Variants in DYNC1LI1 observed in about 807,000 individuals in gnomAD.
DYNC1LI1 encodes cytoplasmic dynein 1 light intermediate chain 1.
A neutral mutation model predicts 63.8 loss-of-function variants in DYNC1LI1; 19 were observed. The observed-to-expected ratio is 0.30, with a 90% CI of 0.21 to 0.44. The LOEUF is 0.44. DYNC1LI1 is among the 20% of genes least tolerant of loss of function. The pLI, the probability that DYNC1LI1 is intolerant of heterozygous loss-of-function variation, is 1.00. For synonymous variants in DYNC1LI1, 225 were observed against 232.3 expected (o/e 0.97, Z 0.28); for missense variants, 565 against 630.2 (o/e 0.90, Z 1.11).
intron 5 of DYNC1LI1, among the ~76,000 whole-genome samples, chr3:32,538,325 G>A (rs186801599): frequency 8.1e-4 from 122 of 150,768 alleles, no homozygotes; most frequent in African/African-American, 2.8e-3. Flanking sequence ...AATACTGACA[G>A]TGATTTCAAA....
At chr3:32,558,447 G>A (rs9868569) in intron 2 of DYNC1LI1, among the ~76,000 whole-genome samples, 5,650 of 140,500 alleles carry the variant, frequency 0.04, 384 homozygotes, top group African/African-American at 0.14. Flanking sequence ...GAAAATCTCA[G>A]ATTCCACACA....
intron 2 of DYNC1LI1, among the ~76,000 whole-genome samples, chr3:32,551,620 G>C (rs74529422): frequency 6.6e-6 from 1 of 152,144 alleles, no homozygotes; most frequent in East Asian, 1.9e-4. Flanking sequence ...GCTATTAATG[G>C]AGTCCTAGCA....
At position 32,540,606 on chromosome 3, in the gene DYNC1LI1, G is replaced by A. The variant is rs145793614; in HGVS notation, c.738+431C>T. On this transcript the variant is annotated intron_variant, in intron 5 of 12. Transcript: ENST00000273130. ...TGAGGCAGGAGAATTGCTTTAACCC[G>A]GGAAGCGGAGGTTGCAGTGAGCCGA... Among the ~76,000 whole-genome samples, 217 of 151,382 alleles carry A rather than the reference G, an allele frequency of 1.4e-3. 2 individuals are homozygous for A. Among genetic ancestry groups the A allele is most frequent in the African/African-American group, 4.8e-3 (196 of 41,240 alleles).
intron 5 of DYNC1LI1, among the ~76,000 whole-genome samples, chr3:32,540,132 G>A (rs1240691440): frequency 6.6e-6 from 1 of 150,744 alleles, no homozygotes; most frequent in East Asian, 2.0e-4. Context: ...GCCTCCCAAA[G>A]TGCTGGGATT....
intron 4 of DYNC1LI1, among the ~76,000 whole-genome samples, chr3:32,541,884 C>T (rs1697887210): frequency 6.6e-6 from 1 of 152,170 alleles, no homozygotes. Context: ...ATAGGGATTT[C>T]CACGTAACTC....
chr3:32,545,180 G>A, intron 3 of DYNC1LI1, 74 bp from the exon 4 acceptor site: 2 of 985,510 alleles, frequency 2.0e-6, no homozygotes, highest in East Asian at 2.5e-5. Context: ...AGTACCACTT[G>A]GTATTTTAGT....
intron 6 of DYNC1LI1, among the ~76,000 whole-genome samples, chr3:32,535,376 A>G (rs753542462): frequency 4.7e-4 from 71 of 152,204 alleles, no homozygotes; most frequent in Non-Finnish European, 8.7e-4. Context: ...CAGAAATTCT[A>G]TGACCATCCA....
Position 32,529,635 on chromosome 3 carries a change from C to G in DYNC1LI1, c.1211G>C (p.Gly404Ala), listed in dbSNP as rs1237800576. ...AGATCTATTTGGTGTTCGTGGGGAGCCTCCTGGGACTCTTGGTGAGGCATC... is the reference window on the plus strand; with the variant it reads ...AGATCTATTTGGTGTTCGTGGGGAGGCTCCTGGGACTCTTGGTGAGGCATC... ...PVDASPRVPG[G>A]SPRTPNRSVS... is the part of the protein sequence containing the mutation. The change falls in exon 11 of 13, where the codon GGC (glycine) becomes GCC (alanine). Residue 404 changes from glycine (G) to alanine (A), a missense_variant. Physicochemically the swap from Gly to Ala is moderately conservative, Grantham distance 60 (BLOSUM62 0). Transcript: ENST00000273130. The G allele has an allele frequency of 1.2e-6, 2 of 1,606,122 alleles. No individual in the cohort carries two copies.
At chr3:32,542,503 G>A (rs749985758) in intron 4 of DYNC1LI1, among the ~76,000 whole-genome samples, 57 of 150,634 alleles carry the variant, frequency 3.8e-4, no homozygotes, top group African/African-American at 1.2e-3. Context: ...CGCCTCCTGC[G>A]TTCAAGTGAT....
chr3:32,556,117 G>C (rs1698111386), intron 2 of DYNC1LI1, among the ~76,000 whole-genome samples: 1 of 152,124 alleles, frequency 6.6e-6, no homozygotes, highest in Non-Finnish European at 1.5e-5. Flanking sequence ...GGAACTTCTA[G>C]TCAGAGGCCT....
chr3:32,535,645 C>T (rs966924503), intron 6 of DYNC1LI1, among the ~76,000 whole-genome samples: 1 of 152,118 alleles, frequency 6.6e-6, no homozygotes, highest in African/African-American at 2.4e-5. Flanking sequence ...CTCTTCCCCA[C>T]AATGAAAACC....
At chr3:32,556,996 T>C (rs1698123451) in intron 2 of DYNC1LI1, among the ~76,000 whole-genome samples, 1 of 152,194 alleles carries the variant, frequency 6.6e-6, no homozygotes, top group South Asian at 2.1e-4. Context: ...GATCAATTAA[T>C]AGTGTAAGCT....
chr3:32,563,875 TAAGTA>T (rs1431633376), intron 2 of DYNC1LI1, among the ~76,000 whole-genome samples: 1 of 152,264 alleles, frequency 6.6e-6, no homozygotes, highest in Non-Finnish European at 1.5e-5. Context: ...AATGATACTT[TAAGTA>T]AAGACTGTTC....
At chr3:32,569,615 A>G (rs576863739) in intron 2 of DYNC1LI1, among the ~76,000 whole-genome samples, 3 of 152,328 alleles carry the variant, frequency 2.0e-5, no homozygotes, top group African/African-American at 7.2e-5. Context: ...GCCTAGAAAA[A>G]TGCGAATCTG....
Position 32,529,632 on chromosome 3 carries a change from G to A in DYNC1LI1, c.1214C>T (p.Ser405Phe), listed in dbSNP as rs1472827356. ...TACAGATCTATTTGGTGTTCGTGGG[G>A]AGCCTCCTGGGACTCTTGGTGAGGC... ...VDASPRVPGG[S>F]PRTPNRSVSS... is the part of the protein sequence containing the mutation. Residue 405 changes from serine to phenylalanine, a missense_variant, in exon 11 of 13, where the codon TCC (serine) becomes TTC (phenylalanine). Ser to Phe is a radical substitution (Grantham distance 155). Transcript: ENST00000273130. The A allele has an allele frequency of 6.2e-7, 1 of 1,608,914 alleles. No individual in the cohort carries two copies. The highest frequency in any genetic ancestry group is 1.7e-5 in the Admixed American group (1 of 59,856).
In DYNC1LI1 at chr3:32,570,390, C is replaced by T; in HGVS notation, c.176G>A (p.Arg59His). 2 of 1,606,400 alleles carry T rather than the reference C, an allele frequency of 1.2e-6. No homozygotes were observed. Among genetic ancestry groups the T allele is most frequent in the Non-Finnish European group, 8.5e-7 (1 of 1,177,458 alleles). The change falls in exon 2 of 13, where the codon CGC (arginine) becomes CAC (histidine). Residue 59 changes from arginine to histidine, a missense_variant. By Grantham distance (29) the Arg-to-His change is conservative. Coordinates refer to ENST00000273130, the MANE Select transcript of DYNC1LI1 (RefSeq NM_016141.4). ...CCCCGCAGGGAGCTTGGAGCGCGAGCGGGTGGAGACCTCGCTGAGGATGCA... is the reference window on the plus strand; with the variant it reads ...CCCCGCAGGGAGCTTGGAGCGCGAGTGGGTGGAGACCTCGCTGAGGATGCA... ...WSCILSEVST[R>H]SRSKLPAGKN... is the part of the protein sequence containing the mutation.
chr3:32,558,472 G>A (rs1698146385), intron 2 of DYNC1LI1, among the ~76,000 whole-genome samples: 1 of 148,124 alleles, frequency 6.8e-6, no homozygotes, highest in Non-Finnish European at 1.5e-5. Flanking sequence ...CACCAAAACA[G>A]TACAGGGTGA....
chr3:32,528,596 C>T lies in DYNC1LI1; in HGVS notation c.1312G>A (p.Ala438Thr). ...KKIDPNMKAG[A>T]TSEGVLANFF... The stretch of plus-strand genomic sequence containing the variant: ...TTTGCCAGAACGCCTTCACTTGTAG[C>T]TCCAGCTATAAAAAAATAAAAAAAC... Residue 438 changes from alanine (A) to threonine (T), a missense_variant, in exon 12 of 13, where the codon GCT becomes ACT. Transcript: ENST00000273130. 5.7e-6 allele frequency: 9 copies of T among 1,592,540 alleles called. No individual in the cohort carries two copies. Among genetic ancestry groups the T allele is most frequent in the Non-Finnish European group, 7.7e-6 (9 of 1,173,922 alleles).
chr3:32,527,355 A>C (rs1445352278), intron 12 of DYNC1LI1, among the ~76,000 whole-genome samples: 1 of 152,152 alleles, frequency 6.6e-6, no homozygotes, highest in Non-Finnish European at 1.5e-5. Context: ...TAAATTGTGG[A>C]TCTGTTACCA....
Sources: gnomAD v4.1 joint callset for allele counts (sites outside exome capture counted in the v4.1 genomes callset) on GRCh38, gnomAD v4.1.1 for gene constraint, MANE v1.5 for transcripts, NCBI Gene and HGNC (gene_info 2026-07-23, HGNC 2026-07-21) for gene names.